USP6NL: variants seen among roughly 807,000 people sequenced by gnomAD.
USP6NL encodes USP6 N-terminal like.
In USP6NL, 26 loss-of-function variants were observed where a neutral mutation model predicts 61.9. That is an observed-to-expected ratio of 0.42 (90% CI 0.31 to 0.58). The LOEUF (loss-of-function observed/expected upper bound fraction) is 0.58, where lower values mean the gene tolerates loss of function less well. USP6NL is among the 20% of genes least tolerant of loss of function. The probability of loss-of-function intolerance (pLI) is 0.16; values close to 1 mark genes in which losing one functional copy is unlikely to be tolerated. For synonymous variants in USP6NL, 432 were observed against 390.1 expected (o/e 1.11, Z -1.27); for missense variants, 1,114 against 1,034.3 (o/e 1.08, Z -1.06).
chr10:11,462,785 C>G lies in USP6NL; in HGVS notation c.2143G>C (p.Gly715Arg), dbSNP rs781270769. The G allele has an allele frequency of 3.7e-6, 6 of 1,614,002 alleles. No homozygotes were observed. Among genetic ancestry groups the G allele is most frequent in the East Asian group, 2.2e-5 (1 of 44,886 alleles). ...ATCAATTTTCCATTCTTTGGTGACCCTGAATTGCCCGAATATCCCCCAGCA... is the reference window on the plus strand; with the variant it reads ...ATCAATTTTCCATTCTTTGGTGACCGTGAATTGCCCGAATATCCCCCAGCA... ...TGAGGYSGNSGSPKNGKLIIP... is the reference protein window; with the variant it reads ...TGAGGYSGNSRSPKNGKLIIP... The change falls in exon 15 of 15, where the codon GGG becomes CGG. Residue 715 changes from glycine to arginine, a missense_variant. Coordinates refer to ENST00000609104, the MANE Select transcript of USP6NL (RefSeq NM_014688.5).
chr10:11,586,165 C>G (rs1449031829), intron 2 of USP6NL, among the ~76,000 whole-genome samples: 1 of 152,128 alleles, frequency 6.6e-6, no homozygotes, highest in Admixed American at 6.5e-5. Context: ...TCATTTTGAG[C>G]CTACTAGGCT....
chr10:11,463,944 G>A lies in USP6NL; in HGVS notation c.1079-95C>T. The A allele has an allele frequency of 1.7e-6, 2 of 1,176,874 alleles. No homozygotes were observed. Among genetic ancestry groups the A allele is most frequent in the Non-Finnish European group, 2.3e-6 (2 of 851,836 alleles). The allele number at this position is 1,176,874 out of a possible 1,614,324, so 72.9% of individuals were successfully genotyped here. On this transcript the variant is annotated intron_variant, in intron 14 of 14. Transcript: ENST00000609104. The surrounding 1 kb of genome is among the most constrained non-coding windows in gnomAD (Gnocchi z 6.3). ...AGTAACAATGGCATGCTTTTCATCT[G>A]TGCACAGATACACGCTGACATACAA...
chr10:11,555,451 TAGAGAGAGAGAGAGAGAGAA>T (rs1291168605), intron 2 of USP6NL, among the ~76,000 whole-genome samples: 8 of 61,002 alleles, frequency 1.3e-4, no homozygotes, highest in Admixed American at 2.4e-4. Context: ...TATATATATA[TAGAGAGAGAGAGAGAGAGAA>T]AGAGAGAGAG....
chr10:11,562,014 C>T lies in USP6NL; in HGVS notation c.5-34447G>A, dbSNP rs1228888433. 6.6e-6 allele frequency among the ~76,000 whole-genome samples: 1 copy of T among 152,156 alleles called. No homozygotes were observed. The highest frequency in any genetic ancestry group is 1.5e-5 in the Non-Finnish European group (1 of 68,016). ...GTTCTGAGTAAAAAAAAGAAATTTG[C>T]TCATGCCTGTAATCCCAGCACTTTG... is the stretch of plus-strand genomic sequence containing the variant. On this transcript the variant is annotated intron_variant, in intron 2 of 14. Transcript: ENST00000609104. The surrounding 1 kb of genome is among the most constrained non-coding windows in gnomAD (Gnocchi z 4.8).
chr10:11,588,490 TAG>T (rs1466252106), intron 2 of USP6NL, among the ~76,000 whole-genome samples: 1 of 152,188 alleles, frequency 6.6e-6, no homozygotes, highest in Non-Finnish European at 1.5e-5. Context: ...ATTTTAAAAA[TAG>T]ATTTTCAGAA....
intron 2 of USP6NL, among the ~76,000 whole-genome samples, chr10:11,584,141 C>A (rs1837887871): frequency 6.6e-6 from 1 of 151,752 alleles, no homozygotes; most frequent in South Asian, 2.1e-4. Flanking sequence ...TCACTTGAGC[C>A]CAGGAAGAAT....
chr10:11,588,900 A>G (rs1158884679), intron 2 of USP6NL, among the ~76,000 whole-genome samples: 3 of 152,194 alleles, frequency 2.0e-5, no homozygotes, highest in Non-Finnish European at 4.4e-5. Context: ...AGATAGTAGA[A>G]GTAGAGTTTT....
chr10:11,501,921 C>T (rs1834214453), intron 6 of USP6NL, among the ~76,000 whole-genome samples: 1 of 152,164 alleles, frequency 6.6e-6, no homozygotes, highest in Non-Finnish European at 1.5e-5. Flanking sequence ...GATAAATCTT[C>T]ATCAAGGGAA....
At chr10:11,483,005 T>C (rs544671311) in intron 13 of USP6NL, among the ~76,000 whole-genome samples, 161 of 152,352 alleles carry the variant, frequency 1.1e-3, no homozygotes, top group Non-Finnish European at 1.7e-3. Flanking sequence ...ATTTAAGATG[T>C]ACTCTCAGCA....
rs775903865 is a variant in USP6NL at position 11,525,875 on chromosome 10, C to G, written c.73-407G>C. Among the ~76,000 whole-genome samples, 2 of 152,188 alleles carry G rather than the reference C, an allele frequency of 1.3e-5. No individual in the cohort carries two copies. The highest frequency in any genetic ancestry group is 2.9e-5 in the Non-Finnish European group (2 of 68,022). On this transcript the variant is annotated intron_variant, in intron 3 of 14. Coordinates refer to ENST00000609104, the MANE Select transcript of USP6NL (RefSeq NM_014688.5). The surrounding 1 kb of genome is among the most constrained non-coding windows in gnomAD (Gnocchi z 5.0). ...TCTTTTTTGCCTTTTTATGCAAACT[C>G]CTTAGAGAAGCAGGCAGAGAAGCTC...
intron 5 of USP6NL, among the ~76,000 whole-genome samples, chr10:11,512,255 G>C (rs1834753197): frequency 6.6e-6 from 1 of 152,104 alleles, no homozygotes; most frequent in Non-Finnish European, 1.5e-5. Flanking sequence ...CAAACATGCT[G>C]CTAGTACCCT....
chr10:11,536,756 AACT>A (rs956176318), intron 2 of USP6NL, among the ~76,000 whole-genome samples: 1 of 152,166 alleles, frequency 6.6e-6, no homozygotes, highest in African/African-American at 2.4e-5. Context: ...CATCTCCCAT[AACT>A]ACATTAATTC....
In USP6NL at chr10:11,463,567, G is replaced by A. The variant is rs773536418; in HGVS notation, c.1361C>T (p.Pro454Leu). The change falls in exon 15 of 15, where the codon CCA becomes CTA. Residue 454 changes from proline (P) to leucine (L), a missense_variant. By Grantham distance (98) the Pro-to-Leu change is moderately conservative. Transcript: ENST00000609104. The surrounding 1 kb of genome is among the most constrained non-coding windows in gnomAD (Gnocchi z 6.3). Reference sequence around the variant, plus strand: ...CCTGGAACTGTCCTGTGGACCCGATGGGAGTTTTCTTTGAAAATCTGCCTC... The same window carrying A: ...CCTGGAACTGTCCTGTGGACCCGATAGGAGTTTTCTTTGAAAATCTGCCTC... Reference protein sequence around the residue: ...KDEADFQRKLPSGPQDSSRQY... With the variant: ...KDEADFQRKLLSGPQDSSRQY... 1.9e-6 allele frequency: 3 copies of A among 1,614,030 alleles called. No homozygotes were observed. The highest frequency in any genetic ancestry group is 1.7e-6 in the Non-Finnish European group (2 of 1,179,894).
rs71287359 is a variant in USP6NL at position 11,528,160 on chromosome 10, C to CACACACAA, written c.5-594_5-593insTTGTGTGT. Reference sequence around the variant, plus strand: ...ACACACACACACACACACACACACACCCTTCATCCTTATTAACATTAGGAG... The same window carrying CACACACAA: ...ACACACACACACACACACACACACACACACACAACCTTCATCCTTATTAACATTAGGAG... On this transcript the variant is annotated intron_variant, in intron 2 of 14. Coordinates refer to ENST00000609104, the MANE Select transcript of USP6NL (RefSeq NM_014688.5). This position sits in a 1 kb window ranked among gnomAD's most constrained non-coding sequence, Gnocchi z 4.6. Among the ~76,000 whole-genome samples, 3 of 151,336 alleles carry CACACACAA rather than the reference C, an allele frequency of 2.0e-5. No homozygotes were observed. The highest frequency in any genetic ancestry group is 6.6e-5 in the Admixed American group (1 of 15,196).
chr10:11,558,824 T>C (rs576176756), intron 2 of USP6NL, among the ~76,000 whole-genome samples: 14 of 152,200 alleles, frequency 9.2e-5, no homozygotes, highest in South Asian at 2.1e-4. Context: ...GACTTTTTTT[T>C]CCTGGAGTTT....
intron 6 of USP6NL, among the ~76,000 whole-genome samples, chr10:11,506,013 A>C (rs1427746043): frequency 6.6e-6 from 1 of 152,216 alleles, no homozygotes; most frequent in Admixed American, 6.5e-5. Context: ...TTATAACTAC[A>C]TTCTACTTCC....
Position 11,501,200 on chromosome 10 carries a change from C to A in USP6NL, c.285G>T (p.Arg95Ser). 2 of 1,607,378 alleles carry A rather than the reference C, an allele frequency of 1.2e-6. No homozygotes were observed. The highest frequency in any genetic ancestry group is 2.2e-5 in the East Asian group (1 of 44,822). The change falls in exon 7 of 15, where the codon AGG (arginine) becomes AGT (serine). Residue 95 changes from arginine to serine, a missense_variant. Transcript: ENST00000609104. The stretch of plus-strand genomic sequence containing the variant: ...GGAGTGGTATTCCTTTGTAAATTCG[C>A]CTATGAAACTTATTAAAAGAAAAAG... ...EKYKNTEKFH[R>S]RIYKGIPLQL...
Position 11,489,148 on chromosome 10 carries a change from G to T in USP6NL, c.618C>A (p.Phe206Leu), listed in dbSNP as rs1431168136. ...CTGAGAAGAGTTTGACCAGGGCCCA[G>T]AAGGCATCTTCCTCGTTCATATACA... is the stretch of plus-strand genomic sequence containing the variant. ...LLMYMNEEDA[F>L]WALVKLFSGP... Residue 206 changes from phenylalanine to leucine, a missense_variant, in exon 10 of 15, where the codon TTC becomes TTA. Physicochemically the swap from Phe to Leu is conservative, Grantham distance 22 (BLOSUM62 0). Transcript: ENST00000609104. This position sits in a 1 kb window ranked among gnomAD's most constrained non-coding sequence, Gnocchi z 5.7. 3 of 1,613,996 alleles carry T rather than the reference G, an allele frequency of 1.9e-6. No individual in the cohort carries two copies. The highest frequency in any genetic ancestry group is 2.5e-6 in the Non-Finnish European group (3 of 1,179,868).
rs1372764897 is a variant in USP6NL, at chr10:11,478,551, G to A, written c.1078+3219C>T. ...ATCTGAATACCACTAAAATACTAGT[G>A]GATTCTTTTTTGTAACTTGACAAAA... is the stretch of plus-strand genomic sequence containing the variant. On this transcript the variant is annotated intron_variant, in intron 14 of 14. Transcript: ENST00000609104. The surrounding 1 kb of genome is among the most constrained non-coding windows in gnomAD (Gnocchi z 6.8). 1.3e-5 allele frequency among the ~76,000 whole-genome samples: 2 copies of A among 152,082 alleles called. No individual in the cohort carries two copies. The highest frequency in any genetic ancestry group is 2.9e-5 in the Non-Finnish European group (2 of 68,014).
Sources: allele counts gnomAD v4.1 joint callset (sites outside exome capture counted in the v4.1 genomes callset), GRCh38; gene constraint gnomAD v4.1.1; non-coding constraint Gnocchi (gnomAD v3.1); transcripts MANE v1.5; gene names NCBI Gene and HGNC (gene_info 2026-07-23, HGNC 2026-07-21).